FRK: variants seen among roughly 807,000 people sequenced by gnomAD.
FRK encodes the protein tyrosine-protein kinase FRK.
In FRK, 51 loss-of-function variants were observed where a neutral mutation model predicts 56.4. The observed-to-expected ratio is 0.90, with a 90% CI of 0.72 to 1.14. The LOEUF (loss-of-function observed/expected upper bound fraction) is 1.14, where lower values mean the gene tolerates loss of function less well. FRK is among the 50% of genes most tolerant of loss of function. The pLI, the probability that FRK is intolerant of heterozygous loss-of-function variation, is 0.00. For synonymous variants in FRK, 245 were observed against 217.9 expected (o/e 1.12, Z -1.10); for missense variants, 570 against 601.4 (o/e 0.95, Z 0.55).
intron 2 of FRK, among the ~76,000 whole-genome samples, chr6:115,980,187 C>T (rs1253497772): frequency 6.6e-6 from 1 of 152,032 alleles, no homozygotes; most frequent in African/African-American, 2.4e-5. Context: ...GAAACTACAA[C>T]AACACAGTTC....
At chr6:115,993,171 G>T (rs190028702) in intron 2 of FRK, among the ~76,000 whole-genome samples, 1 of 151,780 alleles carries the variant, frequency 6.6e-6, no homozygotes, top group East Asian at 1.9e-4. Context: ...ACAAATAAAG[G>T]CGAGAGAGAG....
chr6:116,011,944 G>A (rs910291239), intron 1 of FRK, among the ~76,000 whole-genome samples: 3 of 151,840 alleles, frequency 2.0e-5, no homozygotes, highest in African/African-American at 7.3e-5. Flanking sequence ...AGTTAGCCCT[G>A]CTACTCTTTC....
At chr6:115,981,666 A>T (rs895877902) in intron 2 of FRK, among the ~76,000 whole-genome samples, 2 of 152,132 alleles carry the variant, frequency 1.3e-5, no homozygotes, top group Non-Finnish European at 2.9e-5. Context: ...GACATGTTGA[A>T]CAGGGTAAAC....
At chr6:115,979,420 G>A (rs1429711002) in intron 2 of FRK, among the ~76,000 whole-genome samples, 1 of 152,082 alleles carries the variant, frequency 6.6e-6, no homozygotes, top group Non-Finnish European at 1.5e-5. Flanking sequence ...GCTGTAAAAT[G>A]TGTTTGTTTT....
intron 1 of FRK, among the ~76,000 whole-genome samples, chr6:116,022,581 T>TA (rs1554234942): frequency 1.3e-5 from 2 of 152,042 alleles, no homozygotes; most frequent in Non-Finnish European, 2.9e-5. Context: ...TGCAGAAAAA[T>TA]CTTTTTGAAA....
At chr6:115,953,455 C>T (rs983004359) in intron 5 of FRK, among the ~76,000 whole-genome samples, 34 of 152,060 alleles carry the variant, frequency 2.2e-4, no homozygotes, top group Non-Finnish European at 3.7e-4. Flanking sequence ...TCCCAAAGTG[C>T]TGGGATTACA....
chr6:116,053,500 T>C (rs1225188148), intron 1 of FRK, among the ~76,000 whole-genome samples: 2 of 152,158 alleles, frequency 1.3e-5, no homozygotes, highest in Non-Finnish European at 2.9e-5. Flanking sequence ...TTGACTTCTA[T>C]TCATCAAAAA....
At chr6:115,991,161 A>C (rs1774589599) in intron 2 of FRK, among the ~76,000 whole-genome samples, 1 of 151,806 alleles carries the variant, frequency 6.6e-6, no homozygotes, top group Non-Finnish European at 1.5e-5. Flanking sequence ...CAAGTCTAGG[A>C]GTCTTTTGGA....
chr6:116,002,706 G>A (rs988457066), intron 2 of FRK: 1 of 455,702 alleles, frequency 2.2e-6, no homozygotes, highest in Admixed American at 2.4e-5. Flanking sequence ...GGATTAGGTA[G>A]TAGTGAAGTT....
intron 1 of FRK, among the ~76,000 whole-genome samples, chr6:116,019,812 C>G (rs1775796750): frequency 6.6e-6 from 1 of 152,110 alleles, no homozygotes; most frequent in Non-Finnish European, 1.5e-5. Context: ...CAGAGTGGGT[C>G]AGAAATAGCC....
At chr6:116,062,556 G>A (rs1468666306), upstream of FRK, among the ~76,000 whole-genome samples, 1 of 151,896 alleles carries the variant, frequency 6.6e-6, no homozygotes, top group East Asian at 1.9e-4. Context: ...TTAGATTTTT[G>A]AATTGTCGGG....
chr6:115,960,391 C>G (rs897770279), intron 4 of FRK, among the ~76,000 whole-genome samples: 1 of 150,894 alleles, frequency 6.6e-6, no homozygotes. Context: ...CTCAGAGGGT[C>G]CTACGCCCAC....
the FRK span, among the ~76,000 whole-genome samples, chr6:116,084,093 C>T: frequency 6.6e-6 from 1 of 152,122 alleles, no homozygotes; most frequent in Admixed American, 6.5e-5. Flanking sequence ...GCTAGGATAC[C>T]AGCAAAGCAA....
intron 1 of FRK, among the ~76,000 whole-genome samples, chr6:116,057,308 A>T (rs1777437346): frequency 6.6e-6 from 1 of 152,214 alleles, no homozygotes; most frequent in South Asian, 2.1e-4. Flanking sequence ...CTTTTGAAAA[A>T]ACTCACTGAA....
the FRK span, among the ~76,000 whole-genome samples, chr6:116,085,265 G>T: frequency 6.6e-6 from 1 of 152,154 alleles, no homozygotes; most frequent in East Asian, 1.9e-4. Context: ...GGTACATACC[G>T]CATACATATC....
intron 2 of FRK, among the ~76,000 whole-genome samples, chr6:116,000,230 T>G (rs1240351103): frequency 2.8e-5 from 1 of 35,244 alleles, no homozygotes; most frequent in South Asian, 1.4e-3. Context: ...TTTCTTTTTT[T>G]TTTTTTTTTT....
the FRK span, among the ~76,000 whole-genome samples, chr6:116,083,735 A>C: frequency 6.6e-6 from 1 of 152,150 alleles, no homozygotes; most frequent in African/African-American, 2.4e-5. Context: ...CTATAGTAAC[A>C]ATCATAGTTT....
At position 116,009,775 on chromosome 6, in the gene FRK, C is replaced by T. The variant is rs919502304; in HGVS notation, c.345-5777G>A. ...TATAATTATGTAAATTATCAAGTGT[C>T]TACCGTATGTAAATTCTGTAACATT... On this transcript the variant is annotated intron_variant, in intron 1 of 7. Coordinates refer to ENST00000606080, the MANE Select transcript of FRK (RefSeq NM_002031.3). Among the ~76,000 whole-genome samples, 28 of 152,164 alleles carry T rather than the reference C, an allele frequency of 1.8e-4. No homozygotes were observed. In the East Asian group the frequency reaches 1.9e-3, roughly 10 times the overall value.
At chr6:115,981,535 A>T (rs911633802) in intron 2 of FRK, among the ~76,000 whole-genome samples, 3 of 152,192 alleles carry the variant, frequency 2.0e-5, no homozygotes, top group Admixed American at 1.3e-4. Flanking sequence ...TTCTGAGGGA[A>T]ATCTTTCCCT....
Sources: gnomAD v4.1 joint callset for allele counts (sites outside exome capture counted in the v4.1 genomes callset) on GRCh38, gnomAD v4.1.1 for gene constraint, MANE v1.5 for transcripts, NCBI Gene and HGNC (gene_info 2026-07-23, HGNC 2026-07-21) for gene names.